The following DOCK10 variants were observed in gnomAD, a reference collection of about 807,000 sequenced individuals.
DOCK10 encodes dedicator of cytokinesis protein 10.
In DOCK10, 145 loss-of-function variants were observed where a neutral mutation model predicts 280.1. That is an observed-to-expected ratio of 0.52 (90% CI 0.45 to 0.59). DOCK10 has a LOEUF of 0.59. Ranked by LOEUF, DOCK10 falls within the 20% of genes least tolerant of loss-of-function variation. The pLI is 0.00. For missense variants in DOCK10, 2,368 were observed against 2,651.7 expected, an observed-to-expected ratio of 0.89 and a Z score of 2.35; for synonymous variants, 915 against 942.2, an observed-to-expected ratio of 0.97 and a Z score of 0.53.
intron 2 of DOCK10, among the ~76,000 whole-genome samples, chr2:224,922,932 T>A (rs970528452): frequency 2.0e-5 from 3 of 152,240 alleles, no homozygotes; most frequent in African/African-American, 7.2e-5. Flanking sequence ...TTGTGATTAA[T>A]GACCCTCAGC....
At chr2:224,863,609 C>T (rs1198589762) in intron 13 of DOCK10, among the ~76,000 whole-genome samples, 4 of 151,976 alleles carry the variant, frequency 2.6e-5, no homozygotes, top group South Asian at 2.1e-4. Context: ...CCCGCCACCA[C>T]GCCTGGCTAA....
chr2:224,851,165 T>C (rs1696702745), intron 18 of DOCK10, among the ~76,000 whole-genome samples: 1 of 152,182 alleles, frequency 6.6e-6, no homozygotes. Flanking sequence ...TAAGCCCCCT[T>C]TGTCCAAAGC....
intron 1 of DOCK10, among the ~76,000 whole-genome samples, chr2:224,979,817 T>C (rs1255709453): frequency 6.6e-6 from 1 of 152,218 alleles, no homozygotes; most frequent in Admixed American, 6.5e-5. Flanking sequence ...ACAACTGCTC[T>C]AATTTGATAA....
intron 50 of DOCK10, among the ~76,000 whole-genome samples, chr2:224,781,380 T>A (rs564620705): frequency 1.3e-5 from 2 of 152,222 alleles, no homozygotes; most frequent in Non-Finnish European, 2.9e-5. Context: ...CCATTTACTC[T>A]GCTGTCCACT....
rs988864695 is a variant in DOCK10, at chr2:224,837,902, A to G, written c.2781-71T>C. 14 of 1,186,396 alleles carry G rather than the reference A, an allele frequency of 1.2e-5. 1 individual carries two copies. The highest frequency in any genetic ancestry group is 9.8e-5 in the South Asian group (8 of 82,044). The allele number at this position is 1,186,396 out of a possible 1,614,324, so 73.5% of individuals were successfully genotyped here. The stretch of plus-strand genomic sequence containing the variant: ...AAACCCCGCTTTAGTTTGTCATTAC[A>G]GTGCTTTGTAAATTGGGTATTTAAT... On this transcript the variant is annotated intron_variant, in intron 24 of 55. Transcript: ENST00000258390.
At chr2:224,815,842 C>T (rs1283060523) in intron 30 of DOCK10, among the ~76,000 whole-genome samples, 3 of 152,098 alleles carry the variant, frequency 2.0e-5, no homozygotes, top group Admixed American at 1.3e-4. Context: ...TGGAGACCAG[C>T]CTGGCCAACA....
chr2:225,014,081 A>ATATATATATATTTT (rs776104946), intron 1 of DOCK10, among the ~76,000 whole-genome samples: 1 of 96,800 alleles, frequency 1.0e-5, no homozygotes, highest in South Asian at 3.5e-4. Flanking sequence ...GTCTGAATAT[A>ATATATATATATTTT]TTGTTTTTTT....
rs140996095 is a variant in DOCK10 at position 224,944,551 on chromosome 2, A to G, written c.124-12883T>C. Among the ~76,000 whole-genome samples, 210 of 152,336 alleles carry G rather than the reference A, an allele frequency of 1.4e-3. 2 individuals carry two copies. The highest frequency in any genetic ancestry group is 4.9e-3 in the African/African-American group (205 of 41,582). ...ACGCAGGATAGGTATTATTATAAGC[A>G]TTTTACAGAAGAGGAAACTGAGGTT... On this transcript the variant is annotated intron_variant, in intron 1 of 55. Transcript: ENST00000258390.
chr2:224,770,756 C>T lies in DOCK10; in HGVS notation c.6205-111G>A. 1 of 734,348 alleles carries T rather than the reference C, an allele frequency of 1.4e-6. No individual in the cohort carries two copies. 45.5% of individuals were successfully genotyped at this position (734,348 alleles called of 1,614,324 possible). A position where few individuals can be genotyped will look rare whatever the true frequency, so the allele number is the denominator to read the frequency against. ...TGGTGTGGTACCCCCATCTCACACC[C>T]TGCCTTCTAGTCCACTCATTTGTAT... On this transcript the variant is annotated intron_variant, in intron 53 of 55. Transcript: ENST00000258390. This position sits in a 1 kb window ranked among gnomAD's most constrained non-coding sequence, Gnocchi z 4.5.
At chr2:224,989,773 C>A (rs569489887) in intron 1 of DOCK10, among the ~76,000 whole-genome samples, 1 of 152,128 alleles carries the variant, frequency 6.6e-6, no homozygotes, top group Non-Finnish European at 1.5e-5. Context: ...TCCTAGGACC[C>A]AGTTAGTTAC....
rs374539970 is a variant in DOCK10, at chr2:224,792,949, A to G, written c.5311+25T>C. 21 of 1,541,470 alleles carry G rather than the reference A, an allele frequency of 1.4e-5. No individual in the cohort carries two copies. In the African/African-American group the frequency reaches 2.2e-4, roughly 16 times the overall value. On this transcript the variant is annotated intron_variant, in intron 47 of 55. Transcript: ENST00000258390. ...GCAAGTGGATTTCCTCTGCATTGGG[A>G]TAAATGAGCAGTTAGGTCACTCACT...
chr2:224,942,304 A>C (rs1703137807), intron 1 of DOCK10, among the ~76,000 whole-genome samples: 1 of 152,226 alleles, frequency 6.6e-6, no homozygotes, highest in African/African-American at 2.4e-5. Flanking sequence ...CTGGATTCTT[A>C]GGCAGACCAA....
chr2:224,785,701 C>T (rs986316814), intron 50 of DOCK10, among the ~76,000 whole-genome samples: 2 of 152,130 alleles, frequency 1.3e-5, no homozygotes, highest in Non-Finnish European at 2.9e-5. Context: ...AGGATGGTCT[C>T]GATCTCCTGA....
chr2:224,936,810 C>T (rs890707453), intron 1 of DOCK10, among the ~76,000 whole-genome samples: 14 of 152,116 alleles, frequency 9.2e-5, no homozygotes, highest in East Asian at 7.7e-4. Context: ...TTGCTTTCCT[C>T]GTGGTGAGAA....
At chr2:225,016,677 GCACA>G (rs1377455370) in intron 1 of DOCK10, among the ~76,000 whole-genome samples, 91 of 118,586 alleles carry the variant, frequency 7.7e-4, no homozygotes, top group African/African-American at 2.4e-3. Flanking sequence ...ATATCTATGT[GCACA>G]TAGATATATG....
intron 15 of DOCK10, among the ~76,000 whole-genome samples, chr2:224,855,338 A>G (rs1559571481): frequency 6.6e-6 from 1 of 152,272 alleles, no homozygotes; most frequent in Non-Finnish European, 1.5e-5. Flanking sequence ...ACAAAAATCA[A>G]AAAAGTACAA....
At chr2:224,983,587 CT>C in intron 1 of DOCK10, 1 of 327,022 alleles carries the variant, frequency 3.1e-6, no homozygotes, top group Non-Finnish European at 6.2e-6. Context: ...GATTGTTTTG[CT>C]GTAACGTGTG....
At chr2:224,844,730 G>A (rs368731803) in intron 22 of DOCK10, 23 bp downstream of exon 22, 4 of 1,434,790 alleles carry the variant, frequency 2.8e-6, no homozygotes, top group Non-Finnish European at 3.9e-6. Context: ...GAAGATGCTA[G>A]TATTTCAGGT....
chr2:224,789,290 A>C, intron 47 of DOCK10, 120 bp from the exon 48 acceptor site: 1 of 629,610 alleles, frequency 1.6e-6, no homozygotes, highest in East Asian at 2.8e-5. Flanking sequence ...ACAATCAACA[A>C]GATGGTTAGA....
Sources: gnomAD v4.1 joint callset for allele counts (sites outside exome capture counted in the v4.1 genomes callset) on GRCh38, gnomAD v4.1.1 for gene constraint, Gnocchi (gnomAD v3.1) non-coding constraint, MANE v1.5 for transcripts, NCBI Gene and HGNC (gene_info 2026-07-23, HGNC 2026-07-21) for gene names.